Variants in PASK observed in about 807,000 individuals in gnomAD.
PASK encodes PAS domain-containing serine/threonine-protein kinase.
In PASK, 110 loss-of-function variants were observed where a neutral mutation model predicts 121.0. That is an observed-to-expected ratio of 0.91 (90% CI 0.78 to 1.06). The LOEUF is 1.06. Among genes scored for constraint, PASK ranks in the 50% least tolerant of loss-of-function variants. The probability of loss-of-function intolerance (pLI) is 0.00; values close to 1 mark genes in which losing one functional copy is unlikely to be tolerated. For missense variants in PASK, 1,643 were observed against 1,702.3 expected (o/e 0.97, Z 0.61); for synonymous variants, 686 against 717.8 (o/e 0.96, Z 0.71).
At position 241,112,391 on chromosome 2, in the gene PASK, C is replaced by T; in HGVS notation, c.3382G>A (p.Asp1128Asn). 4 of 1,613,916 alleles carry T rather than the reference C, an allele frequency of 2.5e-6. No individual in the cohort carries two copies. The South Asian group carries it at 4.4e-5, about 18-fold the overall frequency. Residue 1128 changes from aspartate to asparagine, a missense_variant, in exon 15 of 18, where the codon GAC (aspartate) becomes AAC (asparagine). Physicochemically the swap from Asp to Asn is conservative, Grantham distance 23. Transcript: ENST00000234040. This position sits in a 1 kb window ranked among gnomAD's most constrained non-coding sequence, Gnocchi z 5.2. ...ATCACGATGTTCTCATCCTTGATGT[C>T]ACGGTGGATGATGTCCTTCAAGCGC... is the stretch of plus-strand genomic sequence containing the variant. Reference protein sequence around the residue: ...YLRLKDIIHRDIKDENIVIAE... With the variant: ...YLRLKDIIHRNIKDENIVIAE...
Position 241,115,152 on chromosome 2 carries a change from C to A in PASK, c.3224G>T (p.Gly1075Val). The A allele has an allele frequency of 6.2e-7, 1 of 1,614,084 alleles. No individual in the cohort carries two copies. ...CTTCTCCATCACAAGCTGGAAGAACCCTTGGTTTTCAAATATATCCAATAC... is the reference window on the plus strand; with the variant it reads ...CTTCTCCATCACAAGCTGGAAGAACACTTGGTTTTCAAATATATCCAATAC... ...IKVLDIFENQ[G>V]FFQLVMEKHG... Residue 1075 changes from glycine to valine, a missense_variant, in exon 14 of 18, where the codon GGG becomes GTG. Physicochemically the swap from Gly to Val is moderately radical, Grantham distance 109. This residue lies in a region of PASK where 453 missense variants were observed against 511.2 expected (regional missense o/e 0.89). Transcript: ENST00000234040.
intron 12 of PASK, chr2:241,118,838 C>A (rs13402596): frequency 0.2 from 144,820 of 723,536 alleles, 20,509 homozygotes; most frequent in East Asian, 0.59. Flanking sequence ...GTGTACACAC[C>A]CCGCACCCGG....
At chr2:241,123,000 C>T (rs2065687445) in intron 11 of PASK, 101 bp from the exon 12 acceptor site, 1 of 1,139,466 alleles carries the variant, frequency 8.8e-7, no homozygotes, top group Non-Finnish European at 1.3e-6. Context: ...CCGCCCGAGG[C>T]AGGTGTGCCC....
At chr2:241,133,747 C>T (rs2066277648) in intron 8 of PASK, 1 of 153,362 alleles carries the variant, frequency 6.5e-6, no homozygotes, top group Admixed American at 6.5e-5. Flanking sequence ...CTTTGGGAGA[C>T]CGAGGCGGGC....
At position 241,127,363 on chromosome 2, in the gene PASK, C is replaced by A. The variant is rs2065919637; in HGVS notation, c.1552G>T (p.Glu518Ter). ...CCGGGGCTCTCTATTGCCACAGGTT[C>A]CTCTCTCCCCAAGGCAGTGATTTGC... ...DQQITALGRE[E>*]PVAIESPGQD... The change falls in exon 10 of 18, where the codon GAA becomes TAA. Residue 518 changes from glutamate to a stop codon, truncating the protein, a stop_gained. Transcript: ENST00000234040. LOFTEE classifies it high-confidence loss of function. 1 of 1,613,990 alleles carries A rather than the reference C, an allele frequency of 6.2e-7. No individual in the cohort carries two copies. Among genetic ancestry groups the A allele is most frequent in the Admixed American group, 1.7e-5 (1 of 60,000 alleles).
At chr2:241,148,720 CAGG>C (rs1437693830) in intron 1 of PASK, among the ~76,000 whole-genome samples, 1 of 152,174 alleles carries the variant, frequency 6.6e-6, no homozygotes, top group Non-Finnish European at 1.5e-5. Context: ...GGCTGGAAAG[CAGG>C]AGAAAGGCTA....
rs1416000770 is a variant in PASK, at chr2:241,127,320, T to C, written c.1595A>G (p.Glu532Gly). ...IESPGQDLLG[E>G]SRSEPVDVKP... ...CACATCCACTGGTTCAGACCTGCTTTCTCCCAGAAGATCCTGTCCGGGGCT... is the reference window on the plus strand; with the variant it reads ...CACATCCACTGGTTCAGACCTGCTTCCTCCCAGAAGATCCTGTCCGGGGCT... The change falls in exon 10 of 18, where the codon GAA becomes GGA. Residue 532 changes from glutamate (E) to glycine (G), a missense_variant. Glu to Gly is a moderately conservative substitution (Grantham distance 98, BLOSUM62 -2). This residue lies in a region of PASK where 1,176 missense variants were observed against 1,162.2 expected (regional missense o/e 1.01). Coordinates refer to ENST00000234040, the MANE Select transcript of PASK (RefSeq NM_015148.4). 6.2e-7 allele frequency: 1 copy of C among 1,614,220 alleles called. No homozygotes were observed. Among genetic ancestry groups the C allele is most frequent in the Non-Finnish European group, 8.5e-7 (1 of 1,180,040 alleles).
intron 12 of PASK, among the ~76,000 whole-genome samples, chr2:241,117,376 G>A (rs759618001): frequency 1.6e-4 from 24 of 152,100 alleles, no homozygotes; most frequent in Non-Finnish European, 3.1e-4. Context: ...AGATGTGGCA[G>A]AGCTCCAGAA....
intron 3 of PASK, 23 bp downstream of exon 3, chr2:241,140,498 G>A (rs769658404): frequency 1.4e-6 from 2 of 1,478,936 alleles, no homozygotes; most frequent in Admixed American, 1.8e-5. Context: ...CTACACAGCT[G>A]GATCTAAAAG....
At chr2:241,145,165 G>A (rs146313178) in intron 1 of PASK, among the ~76,000 whole-genome samples, 4,119 of 152,140 alleles carry the variant, frequency 0.027, 180 homozygotes, top group African/African-American at 0.093. Context: ...CACCTGCTGC[G>A]GCCTCCCAAA....
At chr2:241,143,882 C>A (rs1032208536) in intron 1 of PASK, among the ~76,000 whole-genome samples, 1 of 152,260 alleles carries the variant, frequency 6.6e-6, no homozygotes, top group Non-Finnish European at 1.5e-5. Context: ...TAGAGACAGG[C>A]CTGGCACCAG....
intron 4 of PASK, chr2:241,139,661 CCA>C (rs1163653629): frequency 8.5e-6 from 6 of 702,940 alleles, no homozygotes; most frequent in East Asian, 2.8e-5. Context: ...CCAGCCACAG[CCA>C]CAGTGTCCAT....
At chr2:241,118,451 T>C (rs979196689) in intron 12 of PASK, among the ~76,000 whole-genome samples, 2 of 152,160 alleles carry the variant, frequency 1.3e-5, no homozygotes, top group African/African-American at 4.8e-5. Flanking sequence ...AGGACAGTCT[T>C]CAACAAGCAG....
chr2:241,115,688 CCCAGTCCTCAAG>C (rs2125408833), intron 12 of PASK, among the ~76,000 whole-genome samples: 1 of 118,246 alleles, frequency 8.5e-6, no homozygotes, highest in Non-Finnish European at 1.7e-5. Flanking sequence ...ACCAGGGCCA[CCCAGTCCTCAAG>C]CATCCCATTA....
At chr2:241,148,848 A>G (rs968550186) in intron 1 of PASK, among the ~76,000 whole-genome samples, 11 of 152,222 alleles carry the variant, frequency 7.2e-5, no homozygotes, top group Admixed American at 6.5e-4. Context: ...TGCGGAAGGT[A>G]AGGACGAGAA....
intron 7 of PASK, 51 bp downstream of exon 7, chr2:241,136,953 A>ACAG: frequency 6.3e-7 from 1 of 1,576,642 alleles, no homozygotes; most frequent in Non-Finnish European, 8.7e-7. Flanking sequence ...ACTGCAGAGC[A>ACAG]CAGCAGCTTC....
intron 10 of PASK, among the ~76,000 whole-genome samples, chr2:241,125,490 C>T (rs1203691760): frequency 6.6e-6 from 1 of 150,714 alleles, no homozygotes; most frequent in African/African-American, 2.4e-5. Flanking sequence ...GTCCCAGCTA[C>T]TAGGGAGGCT....
At chr2:241,133,823 A>G (rs2066281764) in intron 8 of PASK, 1 of 152,442 alleles carries the variant, frequency 6.6e-6, no homozygotes, top group Admixed American at 6.5e-5. Flanking sequence ...TCTCCACTAA[A>G]AACACAAAAT....
At chr2:241,136,230 G>A (rs1002176613) in intron 7 of PASK, among the ~76,000 whole-genome samples, 191 bp from the exon 8 acceptor site, 2 of 152,240 alleles carry the variant, frequency 1.3e-5, no homozygotes, top group Non-Finnish European at 2.9e-5. Flanking sequence ...TGTGATCTGT[G>A]ATTTTCCCCT....
Sources: allele counts gnomAD v4.1 joint callset (sites outside exome capture counted in the v4.1 genomes callset), GRCh38; gene constraint gnomAD v4.1.1; regional missense constraint gnomAD v4.1.1; non-coding constraint Gnocchi (gnomAD v3.1); transcripts MANE v1.5; gene names NCBI Gene and HGNC (gene_info 2026-07-23, HGNC 2026-07-21).